SPOCK3: variants seen among roughly 807,000 people sequenced by gnomAD.
SPOCK3 encodes the protein testican-3.
In SPOCK3, 30 loss-of-function variants were observed where a neutral mutation model predicts 56.6. That is an observed-to-expected ratio of 0.53 (90% CI 0.40 to 0.72). The LOEUF is 0.72. SPOCK3 is among the 30% of genes least tolerant of loss of function. The pLI, the probability that SPOCK3 is intolerant of heterozygous loss-of-function variation, is 0.00. For synonymous variants in SPOCK3, 196 were observed against 183.3 expected (o/e 1.07, Z -0.56); for missense variants, 527 against 530.0 (o/e 0.99, Z 0.06).
At chr4:166,750,325 CAGACTATT>C (rs1736211612) in intron 8 of SPOCK3, among the ~76,000 whole-genome samples, 1 of 152,016 alleles carries the variant, frequency 6.6e-6, no homozygotes, top group Non-Finnish European at 1.5e-5. Context: ...TGGACAGAAT[CAGACTATT>C]AGGTCTACAC....
At chr4:167,187,198 T>A (rs1732068032) in intron 2 of SPOCK3, among the ~76,000 whole-genome samples, 1 of 151,992 alleles carries the variant, frequency 6.6e-6, no homozygotes. Context: ...TGCTGCAACT[T>A]CTGTTTCATC....
chr4:166,934,509 GAAAGA>G (rs746683867), intron 4 of SPOCK3, among the ~76,000 whole-genome samples: 22 of 151,844 alleles, frequency 1.4e-4, no homozygotes, highest in South Asian at 6.3e-4. Context: ...AAAAAAAAAT[GAAAGA>G]AAAGAAAAGT....
rs568123756 is a variant in SPOCK3 at position 166,747,281 on chromosome 4, C to G, written c.932-5222G>C. Among the ~76,000 whole-genome samples the G allele has an allele frequency of 5.9e-5, 9 of 152,234 alleles. No homozygotes were observed. In the South Asian group the frequency reaches 1.5e-3, roughly 25 times the overall value. ...TCCAGCAGCACATCAAAGAGCTTAT[C>G]CACCATGATCAAGTTGGCTTCATCC... On this transcript the variant is annotated intron_variant, in intron 8 of 10. Coordinates refer to ENST00000357545, the MANE Select transcript of SPOCK3 (RefSeq NM_001040159.2).
At chr4:167,048,468 T>C (rs1326950930) in intron 3 of SPOCK3, among the ~76,000 whole-genome samples, 2 of 152,230 alleles carry the variant, frequency 1.3e-5, no homozygotes, top group African/African-American at 4.8e-5. Flanking sequence ...ATTCAGATGA[T>C]AGGAAAACTA....
chr4:166,784,915 A>T (rs1740576194), intron 7 of SPOCK3, among the ~76,000 whole-genome samples: 1 of 152,102 alleles, frequency 6.6e-6, no homozygotes, highest in Non-Finnish European at 1.5e-5. Context: ...CCAAATTGTT[A>T]AAGGGAAAAT....
chr4:167,185,393 A>T (rs1731855689), intron 2 of SPOCK3, among the ~76,000 whole-genome samples: 1 of 152,206 alleles, frequency 6.6e-6, no homozygotes, highest in Non-Finnish European at 1.5e-5. Flanking sequence ...TTCCAAGAGC[A>T]GGTGCCTCAT....
chr4:166,747,524 T>C (rs1220763554), intron 8 of SPOCK3, among the ~76,000 whole-genome samples: 2 of 152,080 alleles, frequency 1.3e-5, no homozygotes, highest in East Asian at 1.9e-4. Flanking sequence ...CCACAGCCAA[T>C]ATCATACTGA....
chr4:166,991,249 C>T (rs1747748210), intron 4 of SPOCK3, among the ~76,000 whole-genome samples: 1 of 151,970 alleles, frequency 6.6e-6, no homozygotes, highest in Non-Finnish European at 1.5e-5. Context: ...TATGAAACCA[C>T]CAACAGTATC....
intron 8 of SPOCK3, among the ~76,000 whole-genome samples, chr4:166,747,721 T>C (rs80354015): frequency 0.24 from 37,010 of 151,950 alleles, 5,514 homozygotes; most frequent in African/African-American, 0.41. Flanking sequence ...GACATGATTG[T>C]ATATTTAGAA....
intron 3 of SPOCK3, among the ~76,000 whole-genome samples, chr4:167,036,901 A>G (rs1752806671): frequency 6.6e-6 from 1 of 152,260 alleles, no homozygotes; most frequent in Non-Finnish European, 1.5e-5. Flanking sequence ...AAAATTTTGT[A>G]ATTTTACTCT....
chr4:166,961,138 C>T (rs966769323), intron 4 of SPOCK3, among the ~76,000 whole-genome samples: 1 of 151,820 alleles, frequency 6.6e-6, no homozygotes, highest in Non-Finnish European at 1.5e-5. Flanking sequence ...AAACTGTCAA[C>T]CTTGGCGAAG....
intron 2 of SPOCK3, among the ~76,000 whole-genome samples, chr4:167,159,139 C>T (rs768344794): frequency 9.2e-5 from 14 of 151,896 alleles, no homozygotes; most frequent in Non-Finnish European, 2.1e-4. Flanking sequence ...GTTGTTTAAC[C>T]TAATTAAGCT....
At chr4:167,158,786 A>T (rs1765033905) in intron 2 of SPOCK3, among the ~76,000 whole-genome samples, 1 of 151,994 alleles carries the variant, frequency 6.6e-6, no homozygotes, top group Non-Finnish European at 1.5e-5. Flanking sequence ...TTATAATTGA[A>T]ATCTTTATAA....
chr4:166,742,758 G>T (rs1425947857), intron 8 of SPOCK3, among the ~76,000 whole-genome samples: 1 of 152,096 alleles, frequency 6.6e-6, no homozygotes, highest in African/African-American at 2.4e-5. Flanking sequence ...TCTGGAAATA[G>T]TCTTTGCCTA....
chr4:167,123,577 T>C (rs76026622), intron 2 of SPOCK3, among the ~76,000 whole-genome samples: 3,028 of 152,010 alleles, frequency 0.02, 102 homozygotes, highest in African/African-American at 0.069. Flanking sequence ...TGTTCCATGG[T>C]TCTAGGTTTG....
chr4:167,055,747 G>A (rs1754750864), intron 3 of SPOCK3, among the ~76,000 whole-genome samples: 1 of 152,234 alleles, frequency 6.6e-6, no homozygotes, highest in African/African-American at 2.4e-5. Flanking sequence ...GCGAGGCTGG[G>A]GGAGGGAGCC....
At chr4:167,005,513 T>C (rs1749376880) in intron 3 of SPOCK3, among the ~76,000 whole-genome samples, 1 of 151,982 alleles carries the variant, frequency 6.6e-6, no homozygotes, top group Non-Finnish European at 1.5e-5. Context: ...GCGCACAGAC[T>C]GGACAATGAT....
chr4:167,107,008 A>G (rs2150336534), intron 2 of SPOCK3, among the ~76,000 whole-genome samples: 1 of 152,084 alleles, frequency 6.6e-6, no homozygotes, highest in Non-Finnish European at 1.5e-5. Flanking sequence ...TCAAAGTCAT[A>G]ATAAAAAGTC....
chr4:167,100,538 T>C (rs1042430874), intron 2 of SPOCK3, among the ~76,000 whole-genome samples: 4 of 151,944 alleles, frequency 2.6e-5, no homozygotes, highest in Admixed American at 1.3e-4. Context: ...TTATTTCTTA[T>C]ATTTATTAAT....
Sources: allele counts gnomAD v4.1 joint callset (sites outside exome capture counted in the v4.1 genomes callset), GRCh38; gene constraint gnomAD v4.1.1; transcripts MANE v1.5; gene names NCBI Gene and HGNC (gene_info 2026-07-23, HGNC 2026-07-21).